ROBO1: variants seen among roughly 807,000 people sequenced by gnomAD.
ROBO1 encodes roundabout guidance receptor 1, also known as roundabout homolog 1.
Under a neutral mutation model 195.9 loss-of-function variants are expected in ROBO1, and 149 were observed. That is an observed-to-expected ratio of 0.76 (90% CI 0.67 to 0.87). The LOEUF (loss-of-function observed/expected upper bound fraction) is 0.87, where lower values mean the gene tolerates loss of function less well. ROBO1 is among the 40% of genes least tolerant of loss of function. The pLI is 0.00. For synonymous variants in ROBO1, 816 were observed against 733.2 expected (o/e 1.11, Z -1.82); for missense variants, 1,933 against 2,068.3 (o/e 0.93, Z 1.27).
At chr3:78,730,489 G>T (rs2082262351) in intron 5 of ROBO1, among the ~76,000 whole-genome samples, 1 of 67,398 alleles carries the variant, frequency 1.5e-5, no homozygotes, top group African/African-American at 3.0e-5. Context: ...TACTAATTAA[G>T]ATTCTACAGA....
rs1218068310 is a variant in ROBO1 at position 79,084,787 on chromosome 3, CCAAGA to C, written c.172+40664_172+40668del. On this transcript the variant is annotated intron_variant, in intron 3 of 30. Transcript: ENST00000464233. ...CTGCAGAAGAAAACATGTTCAGGTC[CCAAGA>C]CAGTGTCCAGCACACAAGAGGATTC... Among the ~76,000 whole-genome samples, 7 of 152,052 alleles carry C rather than the reference CCAAGA, an allele frequency of 4.6e-5. No individual in the cohort carries two copies. In the East Asian group the frequency reaches 5.8e-4, roughly 13 times the overall value.
At chr3:79,292,844 T>C (rs1162610895) in intron 2 of ROBO1, among the ~76,000 whole-genome samples, 1 of 152,210 alleles carries the variant, frequency 6.6e-6, no homozygotes, top group Non-Finnish European at 1.5e-5. Context: ...TTCCTTTTTT[T>C]GTTGTGTCTC....
At chr3:78,633,302 CT>C (rs1238380771) in intron 24 of ROBO1, among the ~76,000 whole-genome samples, 1 of 152,156 alleles carries the variant, frequency 6.6e-6, no homozygotes, top group African/African-American at 2.4e-5. Context: ...ACCCAGCAAG[CT>C]CCCATCTGCA....
chr3:78,887,591 C>T (rs1400153433), intron 4 of ROBO1, among the ~76,000 whole-genome samples: 2 of 152,138 alleles, frequency 1.3e-5, no homozygotes, highest in Non-Finnish European at 2.9e-5. Flanking sequence ...TCCAAGGATA[C>T]TTAGTAGCAT....
chr3:78,785,219 CTT>C (rs1291690481), intron 4 of ROBO1, among the ~76,000 whole-genome samples: 1 of 152,188 alleles, frequency 6.6e-6, no homozygotes, highest in African/African-American at 2.4e-5. Context: ...TGAACTCACT[CTT>C]AAGGTATATG....
At chr3:79,017,859 T>G (rs2077989531) in intron 3 of ROBO1, among the ~76,000 whole-genome samples, 1 of 152,188 alleles carries the variant, frequency 6.6e-6, no homozygotes, top group African/African-American at 2.4e-5. Flanking sequence ...AGGAGTTATT[T>G]CGTGAAGCTT....
At chr3:78,919,730 G>A (rs996220369) in intron 4 of ROBO1, among the ~76,000 whole-genome samples, 5 of 152,134 alleles carry the variant, frequency 3.3e-5, no homozygotes, top group South Asian at 4.1e-4. Context: ...AAGGTAAATC[G>A]ATGGAGGTTA....
chr3:79,445,732 G>C (rs1404317403), intron 2 of ROBO1, among the ~76,000 whole-genome samples: 1 of 150,792 alleles, frequency 6.6e-6, no homozygotes, highest in Non-Finnish European at 1.5e-5. Context: ...CGCGATATCG[G>C]CTCACTGCAA....
intron 18 of ROBO1, 69 bp downstream of exon 18, chr3:78,657,029 T>G: frequency 6.9e-7 from 1 of 1,442,618 alleles, no homozygotes; most frequent in Non-Finnish European, 9.2e-7. Context: ...CTCAGCCACA[T>G]GCAAAAAAGC....
At chr3:79,679,282 TA>T (rs1176438275) in intron 1 of ROBO1, among the ~76,000 whole-genome samples, 4 of 152,012 alleles carry the variant, frequency 2.6e-5, no homozygotes, top group Admixed American at 2.6e-4. Flanking sequence ...GATTTTATTT[TA>T]TATTAGTTGT....
chr3:78,629,258 C>T (rs1343397734), intron 25 of ROBO1, among the ~76,000 whole-genome samples: 3 of 152,122 alleles, frequency 2.0e-5, no homozygotes, highest in African/African-American at 7.2e-5. Flanking sequence ...CAGTTAGAAT[C>T]AGTCTTTCTC....
At chr3:79,511,359 A>C (rs1037003524) in intron 2 of ROBO1, among the ~76,000 whole-genome samples, 1 of 152,164 alleles carries the variant, frequency 6.6e-6, no homozygotes, top group Admixed American at 6.5e-5. Flanking sequence ...CTACTCACTC[A>C]AGGAAGAAAA....
At chr3:78,631,572 G>C (rs1013247917) in intron 24 of ROBO1, among the ~76,000 whole-genome samples, 1 of 152,106 alleles carries the variant, frequency 6.6e-6, no homozygotes, top group African/African-American at 2.4e-5. Context: ...TCTTCCTGCA[G>C]CAATTAATTG....
At chr3:78,925,319 A>C (rs1166597383) in intron 4 of ROBO1, among the ~76,000 whole-genome samples, 1 of 152,202 alleles carries the variant, frequency 6.6e-6, no homozygotes, top group African/African-American at 2.4e-5. Flanking sequence ...ATCTGAGCTA[A>C]TGATCAGAAT....
chr3:78,636,660 T>G (rs2107535946), intron 22 of ROBO1, among the ~76,000 whole-genome samples: 1 of 151,974 alleles, frequency 6.6e-6, no homozygotes, highest in East Asian at 1.9e-4. Context: ...CTAAGGAGAA[T>G]TCTATTAGTT....
intron 2 of ROBO1, among the ~76,000 whole-genome samples, chr3:79,571,033 T>C (rs1422396388): frequency 6.6e-6 from 1 of 152,072 alleles, no homozygotes; most frequent in African/African-American, 2.4e-5. Context: ...ACAAGCTGAG[T>C]GGTAATATCA....
At chr3:79,136,421 G>A (rs1455885649) in intron 2 of ROBO1, among the ~76,000 whole-genome samples, 1 of 152,080 alleles carries the variant, frequency 6.6e-6, no homozygotes, top group Non-Finnish European at 1.5e-5. Context: ...ACAGTGCAGA[G>A]CTTTGGCATT....
intron 2 of ROBO1, among the ~76,000 whole-genome samples, chr3:79,347,627 G>A (rs60368710): frequency 0.085 from 12,987 of 152,168 alleles, 1,070 homozygotes; most frequent in African/African-American, 0.22. Context: ...GACAATAAGT[G>A]TCAATGCAAT....
chr3:79,140,592 T>C (rs2080504974), intron 2 of ROBO1, among the ~76,000 whole-genome samples: 2 of 152,154 alleles, frequency 1.3e-5, no homozygotes, highest in Admixed American at 1.3e-4. Flanking sequence ...GCTATTATTA[T>C]AATTAATTCA....
Sources: gnomAD v4.1 joint callset for allele counts (sites outside exome capture counted in the v4.1 genomes callset) on GRCh38, gnomAD v4.1.1 for gene constraint, MANE v1.5 for transcripts, NCBI Gene and HGNC (gene_info 2026-07-23, HGNC 2026-07-21) for gene names.